Variants in PDE4B observed in about 807,000 individuals in gnomAD.
PDE4B encodes the protein phosphodiesterase 4B.
A neutral mutation model predicts 82.2 loss-of-function variants in PDE4B; 20 were observed. The observed-to-expected ratio is 0.24, with a 90% CI of 0.17 to 0.35. The LOEUF is 0.35. Ranked by LOEUF, PDE4B falls within the 10% of genes least tolerant of loss-of-function variation. The pLI is 1.00. For missense variants in PDE4B, 655 were observed against 907.2 expected, an observed-to-expected ratio of 0.72 and a Z score of 3.57; for synonymous variants, 320 against 318.9, an observed-to-expected ratio of 1.00 and a Z score of -0.04.
At chr1:66,320,182 C>A (rs74633392) in intron 7 of PDE4B, among the ~76,000 whole-genome samples, 2,488 of 152,188 alleles carry the variant, frequency 0.016, 39 homozygotes, top group Non-Finnish European at 0.026. Context: ...TCTCGTTTTC[C>A]CTCATGTCCT....
At chr1:66,220,159 G>T (rs900214187) in intron 3 of PDE4B, among the ~76,000 whole-genome samples, 1 of 152,144 alleles carries the variant, frequency 6.6e-6, no homozygotes, top group Non-Finnish European at 1.5e-5. Context: ...ATCTGGGGCT[G>T]AGCAGCCAAA....
At chr1:66,161,737 T>G (rs1646616981) in intron 3 of PDE4B, among the ~76,000 whole-genome samples, 1 of 152,094 alleles carries the variant, frequency 6.6e-6, no homozygotes, top group Non-Finnish European at 1.5e-5. Context: ...ACACACTTCC[T>G]AGCTGTGTGT....
At chr1:65,809,543 T>C (rs1645795861) in intron 1 of PDE4B, among the ~76,000 whole-genome samples, 1 of 152,184 alleles carries the variant, frequency 6.6e-6, no homozygotes. Flanking sequence ...GACTCATTTT[T>C]CATATTGAAA....
At chr1:65,937,431 A>C (rs1283639122) in intron 3 of PDE4B, among the ~76,000 whole-genome samples, 2 of 152,206 alleles carry the variant, frequency 1.3e-5, no homozygotes, top group Non-Finnish European at 2.9e-5. Context: ...CAATAAAAAT[A>C]TTTTATACTT....
At chr1:66,332,799 G>A (rs1156677408) in intron 8 of PDE4B, among the ~76,000 whole-genome samples, 179 bp downstream of exon 8, 1 of 152,148 alleles carries the variant, frequency 6.6e-6, no homozygotes, top group Non-Finnish European at 1.5e-5. Context: ...TGATGCTACA[G>A]CAAAAGTTTA....
At chr1:66,207,677 G>A (rs1649662858) in intron 3 of PDE4B, among the ~76,000 whole-genome samples, 1 of 152,138 alleles carries the variant, frequency 6.6e-6, no homozygotes, top group Non-Finnish European at 1.5e-5. Flanking sequence ...ATTCTAGGAT[G>A]TAGTCCCAGT....
chr1:66,332,726 A>C (rs1026116159), intron 8 of PDE4B, 106 bp downstream of exon 8: 5 of 846,842 alleles, frequency 5.9e-6, no homozygotes, highest in Non-Finnish European at 9.2e-6. Flanking sequence ...ACCAACTCTA[A>C]GAATATGTTT....
chr1:66,174,462 T>C (rs1646894418), intron 3 of PDE4B, among the ~76,000 whole-genome samples: 1 of 152,072 alleles, frequency 6.6e-6, no homozygotes, highest in African/African-American at 2.4e-5. Context: ...CACACTGCTA[T>C]AAAGAACTAC....
At chr1:65,921,004 TG>T (rs1373206482) in intron 3 of PDE4B, among the ~76,000 whole-genome samples, 1 of 136,212 alleles carries the variant, frequency 7.3e-6, no homozygotes, top group Non-Finnish European at 1.6e-5. Flanking sequence ...AGTCTCGCTC[TG>T]TCGCCCAGGC....
chr1:66,179,482 G>A (rs187196886), intron 3 of PDE4B, among the ~76,000 whole-genome samples: 145 of 149,374 alleles, frequency 9.7e-4, no homozygotes, highest in African/African-American at 3.5e-3. Context: ...CCTCTTTATG[G>A]GCTGCTCAAA....
At chr1:65,795,645 G>T (rs1645623224) in intron 1 of PDE4B, among the ~76,000 whole-genome samples, 1 of 152,240 alleles carries the variant, frequency 6.6e-6, no homozygotes, top group Non-Finnish European at 1.5e-5. Context: ...CACATCCAAT[G>T]GCTGATCCAT....
intron 3 of PDE4B, among the ~76,000 whole-genome samples, chr1:66,208,043 T>C (rs1236667796): frequency 1.3e-5 from 2 of 152,208 alleles, no homozygotes; most frequent in Non-Finnish European, 2.9e-5. Context: ...GGAAACCTCT[T>C]ATTTTCACAA....
intron 6 of PDE4B, among the ~76,000 whole-genome samples, chr1:66,263,091 A>G (rs949523724): frequency 6.6e-6 from 1 of 152,270 alleles, no homozygotes; most frequent in African/African-American, 2.4e-5. Flanking sequence ...ATATTATGCC[A>G]GATCCCTGTG....
intron 3 of PDE4B, among the ~76,000 whole-genome samples, chr1:66,129,453 C>A (rs565483982): frequency 1.3e-5 from 2 of 151,182 alleles, no homozygotes; most frequent in Non-Finnish European, 3.0e-5. Flanking sequence ...GTCAGGAGAT[C>A]GAGACCATCC....
chr1:66,222,494 G>A (rs779250251), intron 3 of PDE4B, among the ~76,000 whole-genome samples: 18 of 152,308 alleles, frequency 1.2e-4, no homozygotes, highest in Admixed American at 3.3e-4. Context: ...GAGGCCTAGC[G>A]TTCAGAGCAC....
intron 3 of PDE4B, among the ~76,000 whole-genome samples, chr1:66,148,613 C>T (rs896091556): frequency 2.0e-5 from 3 of 152,106 alleles, no homozygotes; most frequent in African/African-American, 7.2e-5. Context: ...TTGGGTATCT[C>T]CCCTAAGAAA....
At chr1:66,000,293 T>C (rs566702058) in intron 3 of PDE4B, among the ~76,000 whole-genome samples, 1 of 152,328 alleles carries the variant, frequency 6.6e-6, no homozygotes, top group African/African-American at 2.4e-5. Flanking sequence ...TTACATAGTG[T>C]ACATTAGAAT....
chr1:66,215,889 A>G (rs1364377413), intron 3 of PDE4B, among the ~76,000 whole-genome samples: 5 of 152,170 alleles, frequency 3.3e-5, no homozygotes, highest in Non-Finnish European at 7.3e-5. Context: ...TGAGTAAAAG[A>G]GCAAAGGCCA....
At chr1:66,033,109 T>C (rs368605029) in intron 3 of PDE4B, among the ~76,000 whole-genome samples, 12 of 152,186 alleles carry the variant, frequency 7.9e-5, no homozygotes, top group South Asian at 2.1e-4. Flanking sequence ...GGTCACCCAT[T>C]GTTTTGAATT....
Sources: gnomAD v4.1 joint callset for allele counts (sites outside exome capture counted in the v4.1 genomes callset) on GRCh38, gnomAD v4.1.1 for gene constraint, MANE v1.5 for transcripts, NCBI Gene and HGNC (gene_info 2026-07-23, HGNC 2026-07-21) for gene names.